The following CGGBP1 variants were observed in gnomAD, a reference collection of about 807,000 sequenced individuals.
The protein encoded by CGGBP1 is CGG triplet repeat binding protein 1, also known as CGG triplet repeat-binding protein 1.
Under a neutral mutation model 11.4 loss-of-function variants are expected in CGGBP1, and 4 were observed. The observed-to-expected ratio is 0.35, with a 90% confidence interval of 0.17 to 0.80. The LOEUF is 0.80. Among genes scored for constraint, CGGBP1 ranks in the 30% least tolerant of loss-of-function variants. The probability of loss-of-function intolerance (pLI) is 0.52; values close to 1 mark genes in which losing one functional copy is unlikely to be tolerated. For missense variants in CGGBP1, 135 were observed against 202.1 expected (o/e 0.67, Z 2.01); for synonymous variants, 76 against 74.1 (o/e 1.03, Z -0.13).
At chr3:88,140,837 T>C in intron 2 of CGGBP1, 1 of 1,613,672 alleles carries the variant, frequency 6.2e-7, no homozygotes, top group Non-Finnish European at 8.5e-7. Flanking sequence ...CCAGTTACCT[T>C]GATGAACGGT....
chr3:88,129,777 GA>G, intron 2 of CGGBP1: 1 of 1,527,726 alleles, frequency 6.5e-7, no homozygotes, highest in Non-Finnish European at 8.8e-7. Flanking sequence ...GCAACTCTGT[GA>G]ATCCTTTCTT....
intron 2 of CGGBP1, among the ~76,000 whole-genome samples, chr3:88,102,992 T>TA: frequency 6.6e-6 from 1 of 152,226 alleles, no homozygotes; most frequent in Non-Finnish European, 1.5e-5. Context: ...TCTGCCCCAC[T>TA]AGTAGTCTCC....
At chr3:88,066,871 G>A (rs2107600228) in intron 2 of CGGBP1, among the ~76,000 whole-genome samples, 1 of 152,248 alleles carries the variant, frequency 6.6e-6, no homozygotes, top group South Asian at 2.1e-4. Flanking sequence ...AATAAAATAA[G>A]ATCAATTAAA....
At chr3:88,074,986 G>T (rs1346295322) in intron 2 of CGGBP1, among the ~76,000 whole-genome samples, 1 of 152,112 alleles carries the variant, frequency 6.6e-6, no homozygotes, top group Non-Finnish European at 1.5e-5. Flanking sequence ...ATTTTGTGGA[G>T]GGTGCTCTTA....
At chr3:88,059,589 G>GTC (rs1487375888), upstream of CGGBP1, 6 of 1,428,444 alleles carry the variant, frequency 4.2e-6, no homozygotes, top group Non-Finnish European at 5.5e-6. Context: ...CATGAATCTG[G>GTC]TCTATGTCCA....
intron 2 of CGGBP1, among the ~76,000 whole-genome samples, chr3:88,129,322 A>T (rs1172522228): frequency 5.5e-3 from 150 of 27,142 alleles, no homozygotes; most frequent in African/African-American, 0.011. Context: ...TGCCAGGAGT[A>T]AAAAAAAAAA....
At chr3:88,143,406 T>G (rs1176116810) in intron 1 of CGGBP1, 2 of 151,888 alleles carry the variant, frequency 1.3e-5, no homozygotes, top group African/African-American at 2.4e-5. Context: ...TAAGGTCAGC[T>G]AAAAAAAATG....
At chr3:88,138,799 A>T in intron 2 of CGGBP1, 8 of 1,232,094 alleles carry the variant, frequency 6.5e-6, no homozygotes, top group Non-Finnish European at 8.1e-6. Context: ...TGTCTAATTT[A>T]TAAAACAATT....
At chr3:88,148,904 G>A (rs192745267) in intron 1 of CGGBP1, among the ~76,000 whole-genome samples, 1 of 152,278 alleles carries the variant, frequency 6.6e-6, no homozygotes, top group Admixed American at 6.5e-5. Context: ...GCATCCCGAA[G>A]TGCTGAGATT....
intron 2 of CGGBP1, among the ~76,000 whole-genome samples, chr3:88,083,405 C>A (rs868695002): frequency 6.6e-6 from 1 of 152,064 alleles, no homozygotes; most frequent in African/African-American, 2.4e-5. Context: ...TATACTATAT[C>A]CCATTTAGAG....
rs565088657 is a variant in CGGBP1 at position 88,098,731 on chromosome 3, C to T, written c.-228-40508G>A. On this transcript the variant is annotated intron_variant, in intron 2 of 3. Coordinates refer to the CGGBP1 transcript ENST00000462901. ...TATAAACAGAACCAAAGACAAAAACCACATGATTATCTCAATAGATGCAGA... is the reference window on the plus strand; with the variant it reads ...TATAAACAGAACCAAAGACAAAAACTACATGATTATCTCAATAGATGCAGA... Among the ~76,000 whole-genome samples the T allele has an allele frequency of 7.2e-5, 11 of 152,192 alleles. No homozygotes were observed. The East Asian group carries it at 1.5e-3, about 21-fold the overall frequency.
At chr3:88,056,682 CTT>C (rs1706550054) in intron 3 of CGGBP1, 1 of 152,030 alleles carries the variant, frequency 6.6e-6, no homozygotes, top group African/African-American at 2.4e-5. Flanking sequence ...TTCTCTAATA[CTT>C]GTTTCCTTTT....
rs575519824 is a variant in CGGBP1 at position 88,052,768 on chromosome 3, C to G, written c.*2705G>C. ...AATGGATAAAACAACTATATAGGCTCTCATACACAATCTTTCTTAATTTTC... is the reference window on the plus strand; with the variant it reads ...AATGGATAAAACAACTATATAGGCTGTCATACACAATCTTTCTTAATTTTC... On this transcript the variant is annotated 3_prime_UTR_variant, in exon 4 of 4. Transcript: ENST00000482016. The G allele has an allele frequency of 1.3e-5, 2 of 152,636 alleles. No homozygotes were observed. The highest frequency in any genetic ancestry group is 4.1e-4 in the South Asian group (2 of 4,822). The allele number at this position is 152,636 out of a possible 1,614,324, so 9.5% of individuals were successfully genotyped here. A position where few individuals can be genotyped will look rare whatever the true frequency, so the allele number is the denominator to read the frequency against.
chr3:88,071,591 G>A (rs1301607707), intron 2 of CGGBP1, among the ~76,000 whole-genome samples: 3 of 152,238 alleles, frequency 2.0e-5, no homozygotes, highest in South Asian at 2.1e-4. Context: ...AGCTGAGATC[G>A]CGCCACTGCA....
chr3:88,095,493 A>G (rs1189551896), intron 2 of CGGBP1: 1 of 439,470 alleles, frequency 2.3e-6, no homozygotes, highest in African/African-American at 2.1e-5. Context: ...AAATGCTGTC[A>G]TAATTTGTAG....
At chr3:88,094,539 T>G (rs1308485816) in intron 2 of CGGBP1, among the ~76,000 whole-genome samples, 2 of 152,130 alleles carry the variant, frequency 1.3e-5, no homozygotes, top group Non-Finnish European at 2.9e-5. Context: ...GAAAATGGTA[T>G]TTATTGTTTT....
At chr3:88,107,877 C>G (rs1343043517) in intron 2 of CGGBP1, among the ~76,000 whole-genome samples, 1 of 152,020 alleles carries the variant, frequency 6.6e-6, no homozygotes, top group Non-Finnish European at 1.5e-5. Context: ...ATATAATACC[C>G]ATATTTTATA....
At chr3:88,128,968 C>T (rs1488590322) in intron 2 of CGGBP1, 1 of 1,535,042 alleles carries the variant, frequency 6.5e-7, no homozygotes, top group South Asian at 1.2e-5. Flanking sequence ...GCACTCTTCA[C>T]ATGTCTGTTT....
At chr3:88,141,993 A>AG (rs56894701) in intron 1 of CGGBP1, 153,965 of 196,032 alleles carry the variant, frequency 0.79, 61,819 homozygotes, top group South Asian at 0.9. Flanking sequence ...GAAAGGGAAA[A>AG]ATTAACCCAT....
Sources: allele counts gnomAD v4.1 joint callset (sites outside exome capture counted in the v4.1 genomes callset), GRCh38; gene constraint gnomAD v4.1.1; transcripts MANE v1.5; gene names NCBI Gene and HGNC (gene_info 2026-07-23, HGNC 2026-07-21).